Variants in CPEB2 observed in about 807,000 individuals in gnomAD.
CPEB2 encodes the protein cytoplasmic polyadenylation element binding protein 2.
A neutral mutation model predicts 93.6 loss-of-function variants in CPEB2; 56 were observed. The observed-to-expected ratio is 0.60, with a 90% CI of 0.48 to 0.75. The LOEUF is 0.75. Among genes scored for constraint, CPEB2 ranks in the 30% least tolerant of loss-of-function variants. The pLI is 0.00. For missense variants in CPEB2, 1,579 were observed against 1,395.1 expected (o/e 1.13, Z -2.10); for synonymous variants, 764 against 586.3 (o/e 1.30, Z -4.38).
At chr4:15,057,909 C>T (rs1056163511) in intron 8 of CPEB2, among the ~76,000 whole-genome samples, 1 of 152,106 alleles carries the variant, frequency 6.6e-6, no homozygotes, top group East Asian at 1.9e-4. Flanking sequence ...TTTCCAAGTG[C>T]GTTCCAGTCT....
At chr4:15,009,352 C>G (rs778416963) in intron 3 of CPEB2, among the ~76,000 whole-genome samples, 25 of 152,172 alleles carry the variant, frequency 1.6e-4, no homozygotes, top group Admixed American at 1.2e-3. Flanking sequence ...TTTTGATAAT[C>G]AACCACTAAC....
At chr4:15,026,619 A>G (rs998169932) in intron 4 of CPEB2, among the ~76,000 whole-genome samples, 2 of 152,194 alleles carry the variant, frequency 1.3e-5, no homozygotes, top group Non-Finnish European at 2.9e-5. Flanking sequence ...ACCTTGAATC[A>G]GCATCTATCA....
At chr4:15,005,168 G>C (rs1016521551) in intron 1 of CPEB2, 1 of 152,292 alleles carries the variant, frequency 6.6e-6, no homozygotes, top group African/African-American at 2.4e-5. Context: ...CTGGGAAAGA[G>C]AAACTGTTAG....
chr4:15,035,391 C>A (rs1208396726), intron 5 of CPEB2, among the ~76,000 whole-genome samples: 1 of 152,072 alleles, frequency 6.6e-6, no homozygotes, highest in African/African-American at 2.4e-5. Context: ...TAGCATACTG[C>A]CTGACTCAGG....
At chr4:15,029,216 G>A (rs1170074259) in intron 4 of CPEB2, among the ~76,000 whole-genome samples, 2 of 151,948 alleles carry the variant, frequency 1.3e-5, no homozygotes, top group Non-Finnish European at 2.9e-5. Flanking sequence ...TTGCTTTCTG[G>A]AACATTTTGG....
chr4:15,054,446 T>C (rs1728529106), intron 8 of CPEB2, among the ~76,000 whole-genome samples: 1 of 152,204 alleles, frequency 6.6e-6, no homozygotes, highest in African/African-American at 2.4e-5. Flanking sequence ...GAAATTAAGA[T>C]CTATGTGAAG....
At chr4:15,020,430 G>T (rs971205940) in intron 4 of CPEB2, among the ~76,000 whole-genome samples, 1 of 152,114 alleles carries the variant, frequency 6.6e-6, no homozygotes, top group Non-Finnish European at 1.5e-5. Context: ...TCTCTAGAAT[G>T]CTAAGTGGCA....
rs1010998362 is a variant in CPEB2, at chr4:15,026,472, C to T, written c.2126-6689C>T. Among the ~76,000 whole-genome samples, 3 of 152,148 alleles carry T rather than the reference C, an allele frequency of 2.0e-5. No homozygotes were observed. In the East Asian group the frequency reaches 5.8e-4, roughly 29 times the overall value. On this transcript the variant is annotated intron_variant, in intron 4 of 11. Transcript: ENST00000538197. The stretch of plus-strand genomic sequence containing the variant: ...TGATCTCCTGACCTCATGATCCACC[C>T]GCCTGGGTCTCCCAAAATGCTTGGG...
At chr4:15,026,935 G>C (rs1725537755) in intron 4 of CPEB2, among the ~76,000 whole-genome samples, 1 of 152,062 alleles carries the variant, frequency 6.6e-6, no homozygotes, top group Non-Finnish European at 1.5e-5. Context: ...CAGTTCCACT[G>C]GCAATATTTT....
Position 15,055,205 on chromosome 4 carries a change from G to GT in CPEB2, c.2461+995dup, listed in dbSNP as rs547055435. Among the ~76,000 whole-genome samples, 398 of 152,082 alleles carry GT rather than the reference G, an allele frequency of 2.6e-3. 3 individuals are homozygous for GT. The highest frequency in any genetic ancestry group is 9.1e-3 in the African/African-American group (376 of 41,450). On this transcript the variant is annotated intron_variant, in intron 8 of 11. Transcript: ENST00000538197. ...TTTTAGATAAATGGAGTAATGCAAT[G>GT]TTTTTTTAATACTTGCAGATTCTAT...
rs1335409944 is a variant in CPEB2, at chr4:15,003,253, A to T, written c.580A>T (p.Lys194Ter). 4 of 1,492,608 alleles carry T rather than the reference A, an allele frequency of 2.7e-6. No individual in the cohort carries two copies. The highest frequency in any genetic ancestry group is 2.7e-6 in the Non-Finnish European group (3 of 1,131,948). The allele number at this position is 1,492,608 out of a possible 1,614,324, so 92.5% of individuals were successfully genotyped here. ...PPHLPHPPDS[K>*]PPPPPPPLHC... is the part of the protein sequence containing the mutation. ...CCACCTTCCCCACCCTCCGGACTCG[A>T]AGCCGCCGCCGCCGCCTCCGCCGCT... Residue 194 changes from lysine to a stop codon, truncating the protein, a stop_gained, in exon 1 of 12, where the codon AAG (lysine) becomes TAG (stop). Transcript: ENST00000538197. LOFTEE classifies it high-confidence loss of function.
chr4:15,055,246 CAA>C lies in CPEB2; in HGVS notation c.2461+1030_2461+1031del, dbSNP rs749538299. 1.1e-3 allele frequency among the ~76,000 whole-genome samples: 173 copies of C among 152,142 alleles called. 1 individual carries two copies. Among genetic ancestry groups the C allele is most frequent in the Non-Finnish European group, 2.0e-3 (134 of 67,984 alleles). ...CAGATTCTATATGTATGTAGGGAAT[CAA>C]GAGCATCTTTTGAGTAGGGATTCTG... On this transcript the variant is annotated intron_variant, in intron 8 of 11. Coordinates refer to ENST00000538197, the MANE Select transcript of CPEB2 (RefSeq NM_001177382.2).
rs572422278 is a variant in CPEB2, at chr4:15,060,025, T to TTTGAAG, written c.2695+726_2695+731dup. 2.6e-5 allele frequency among the ~76,000 whole-genome samples: 4 copies of TTTGAAG among 152,254 alleles called. No individual in the cohort carries two copies. In the South Asian group the frequency reaches 8.3e-4, roughly 32 times the overall value. On this transcript the variant is annotated intron_variant, in intron 10 of 11. Coordinates refer to ENST00000538197, the MANE Select transcript of CPEB2 (RefSeq NM_001177382.2). ...TATGATATCTGATATCTTGAAGGTA[T>TTTGAAG]TTGAAGTCTGATATCTTGAAGGTAT...
At chr4:15,012,702 T>G (rs949639102) in intron 3 of CPEB2, among the ~76,000 whole-genome samples, 2 of 152,134 alleles carry the variant, frequency 1.3e-5, no homozygotes, top group Non-Finnish European at 2.9e-5. Flanking sequence ...CTACATTGCT[T>G]TATTTTAAAG....
At chr4:15,006,240 T>C (rs948903616) in intron 1 of CPEB2, among the ~76,000 whole-genome samples, 1 of 152,196 alleles carries the variant, frequency 6.6e-6, no homozygotes, top group Admixed American at 6.5e-5. Flanking sequence ...TGTTTAAAAA[T>C]TGGTGCTGTA....
At chr4:15,060,735 T>C (rs1036271192) in intron 10 of CPEB2, among the ~76,000 whole-genome samples, 3 of 152,130 alleles carry the variant, frequency 2.0e-5, no homozygotes, top group African/African-American at 7.2e-5. Context: ...TTATGTATTT[T>C]TATGGTGGTA....
intron 10 of CPEB2, 100 bp from the exon 11 acceptor site, chr4:15,061,979 G>C: frequency 9.0e-7 from 1 of 1,106,798 alleles, no homozygotes; most frequent in Non-Finnish European, 1.3e-6. Context: ...CTGGTCAAAT[G>C]ATAATATACT....
intron 1 of CPEB2, 59 bp downstream of exon 1, chr4:15,004,394 G>A (rs1722496982): frequency 2.3e-6 from 3 of 1,288,174 alleles, no homozygotes; most frequent in South Asian, 3.3e-5. Context: ...GCGGGGGACG[G>A]AGGCGGGGGC....
At chr4:15,054,936 T>C (rs1438844575) in intron 8 of CPEB2, among the ~76,000 whole-genome samples, 2 of 152,172 alleles carry the variant, frequency 1.3e-5, no homozygotes, top group African/African-American at 2.4e-5. Flanking sequence ...TGCTGAAATA[T>C]AATTTTAGAA....
Sources: allele counts gnomAD v4.1 joint callset (sites outside exome capture counted in the v4.1 genomes callset), GRCh38; gene constraint gnomAD v4.1.1; transcripts MANE v1.5; gene names NCBI Gene and HGNC (gene_info 2026-07-23, HGNC 2026-07-21).